Variants in DYNC2H1 observed in about 807,000 individuals in gnomAD.
DYNC2H1 encodes dynein cytoplasmic 2 heavy chain 1, also known as cytoplasmic dynein 2 heavy chain 1.
In DYNC2H1, 410 loss-of-function variants were observed where a neutral mutation model predicts 570.0. The ratio of observed to expected loss-of-function variants is 0.72; its 90% confidence interval spans 0.66 to 0.78. DYNC2H1 has a LOEUF of 0.78. Ranked by LOEUF, DYNC2H1 falls within the 30% of genes least tolerant of loss-of-function variation. The pLI is 0.00. For synonymous variants in DYNC2H1, 1,688 were observed against 1,677.6 expected (o/e 1.01, Z -0.15); for missense variants, 4,865 against 5,046.4 (o/e 0.96, Z 1.09).
chr11:103,438,774 T>C (rs1591758226), intron 85 of DYNC2H1, among the ~76,000 whole-genome samples: 1 of 152,230 alleles, frequency 6.6e-6, no homozygotes, highest in South Asian at 2.1e-4. Flanking sequence ...ACTGGAGATA[T>C]CAGGATTAGT....
rs754983028 is a variant in DYNC2H1 at position 103,116,641 on chromosome 11, A to G, written c.693A>G (p.Val231=). 1.9e-6 allele frequency: 3 copies of G among 1,610,488 alleles called. No individual in the cohort carries two copies. The highest frequency in any genetic ancestry group is 2.5e-6 in the Non-Finnish European group (3 of 1,177,912). ...VDLVETTQDV[V]DDVWRQTEHD... ...TGGTGGAGACTACTCAGGATGTTGT[A>G]GATGATGTGTGGAGACAAACAGAAC... Residue 231 remains valine, a synonymous_variant, in exon 5 of 89, where the codon GTA becomes GTG. Transcript: ENST00000375735.
intron 55 of DYNC2H1, among the ~76,000 whole-genome samples, chr11:103,218,474 TTTAC>T (rs1863466624): frequency 6.6e-6 from 1 of 152,176 alleles, no homozygotes; most frequent in Admixed American, 6.5e-5. Flanking sequence ...AATATAAATA[TTTAC>T]TTAATGAAGA....
At position 103,479,303 on chromosome 11, in the gene DYNC2H1, T is replaced by A. The variant is rs774049942; in HGVS notation, c.*50T>A. 4 of 1,569,700 alleles carry A rather than the reference T, an allele frequency of 2.5e-6. No homozygotes were observed. In the South Asian group the frequency reaches 4.8e-5, roughly 19 times the overall value. ...TTCACAAAAGGGAACATTGATTCTT[T>A]AAGCTTTAAATCAAACATGTGGTCA... is the stretch of plus-strand genomic sequence containing the variant. On this transcript the variant is annotated 3_prime_UTR_variant, in exon 89 of 89. Coordinates refer to ENST00000375735, the MANE Select transcript of DYNC2H1 (RefSeq NM_001377.3).
intron 75 of DYNC2H1, among the ~76,000 whole-genome samples, chr11:103,296,096 G>T (rs560101423): frequency 4.3e-4 from 66 of 152,242 alleles, no homozygotes; most frequent in African/African-American, 1.5e-3. Context: ...AGTGGTATAG[G>T]CAATCCAAGA....
chr11:103,144,942 A>G (rs1419999098), intron 18 of DYNC2H1, among the ~76,000 whole-genome samples: 3 of 151,568 alleles, frequency 2.0e-5, no homozygotes, highest in Non-Finnish European at 4.4e-5. Context: ...GTGTAGTGGC[A>G]TGATATATGC....
At chr11:103,218,271 G>T (rs1863458595) in intron 55 of DYNC2H1, among the ~76,000 whole-genome samples, 1 of 152,132 alleles carries the variant, frequency 6.6e-6, no homozygotes, top group Non-Finnish European at 1.5e-5. Flanking sequence ...ACACTTAAGC[G>T]AAAACAGCCA....
chr11:103,327,307 T>A (rs979865591), intron 82 of DYNC2H1, among the ~76,000 whole-genome samples: 1 of 152,166 alleles, frequency 6.6e-6, no homozygotes, highest in Non-Finnish European at 1.5e-5. Flanking sequence ...TATTTTAATG[T>A]TTAAACTCAA....
Position 103,204,722 on chromosome 11 carries a change from GAAAC to G in DYNC2H1, c.8312-97_8312-94del. 1.2e-6 allele frequency: 1 copy of G among 834,954 alleles called. No homozygotes were observed. The highest frequency in any genetic ancestry group is 1.8e-6 in the Non-Finnish European group (1 of 556,516). The allele number at this position is 834,954 out of a possible 1,614,324, so 51.7% of individuals were successfully genotyped here. ...TTGTTTTATATTGTGCTCGTTTTAA[GAAAC>G]AACTCCTACTATTTCATTTGAGAAA... On this transcript the variant is annotated intron_variant, in intron 51 of 88. Transcript: ENST00000375735. This position sits in a 1 kb window ranked among gnomAD's most constrained non-coding sequence, Gnocchi z 4.1.
intron 83 of DYNC2H1, among the ~76,000 whole-genome samples, chr11:103,360,456 G>T (rs1940584396): frequency 6.6e-6 from 1 of 151,888 alleles, no homozygotes; most frequent in Non-Finnish European, 1.5e-5. Flanking sequence ...TATTCATGAG[G>T]ATTAAATGCA....
In DYNC2H1 at chr11:103,115,180, T is replaced by C; in HGVS notation, c.506T>C (p.Ile169Thr). ...TTTCCCCTCTTGACTTTTATAGGTATCCTTACACCAAGCGATGAGTTCCAG... is the reference window on the plus strand; with the variant it reads ...TTTCCCCTCTTGACTTTTATAGGTACCCTTACACCAAGCGATGAGTTCCAG... ...LKFKEDDTRG[I>T]LTPSDEFQFW... The change falls in exon 4 of 89, where the codon ATC becomes ACC. Residue 169 changes from isoleucine (I) to threonine (T), a missense_variant. Physicochemically the swap from Ile to Thr is moderately conservative, Grantham distance 89. Coordinates refer to ENST00000375735, the MANE Select transcript of DYNC2H1 (RefSeq NM_001377.3). 1 of 1,606,296 alleles carries C rather than the reference T, an allele frequency of 6.2e-7. No individual in the cohort carries two copies.
At chr11:103,269,141 T>C (rs978880578) in intron 70 of DYNC2H1, among the ~76,000 whole-genome samples, 3 of 152,176 alleles carry the variant, frequency 2.0e-5, no homozygotes, top group African/African-American at 7.2e-5. Context: ...GAATAATACT[T>C]TTCTATTGTG....
intron 88 of DYNC2H1, among the ~76,000 whole-genome samples, chr11:103,470,746 C>T (rs1000447291): frequency 2.0e-5 from 3 of 152,184 alleles, no homozygotes; most frequent in African/African-American, 7.2e-5. Flanking sequence ...GACATGAACT[C>T]ATCATTTTTT....
At chr11:103,138,408 A>G (rs1486413223) in intron 17 of DYNC2H1, among the ~76,000 whole-genome samples, 1 of 152,136 alleles carries the variant, frequency 6.6e-6, no homozygotes, top group Non-Finnish European at 1.5e-5. Context: ...TCTCATCAAG[A>G]GTTTTTAGCA....
Position 103,255,573 on chromosome 11 carries a change from C to CT in DYNC2H1, c.10326+48dup, listed in dbSNP as rs530038696. ...TATTTAGGTTACTTTTTTCGTATTA[C>CT]TTTTTTTTTAATGAATACAAATAAC... On this transcript the variant is annotated intron_variant, in intron 67 of 88. Coordinates refer to ENST00000375735, the MANE Select transcript of DYNC2H1 (RefSeq NM_001377.3). The CT allele has an allele frequency of 2.2e-3, 3,191 of 1,432,330 alleles. 23 individuals carry two copies. In the African/African-American group the frequency reaches 0.027, roughly 12 times the overall value. The allele number at this position is 1,432,330 out of a possible 1,614,324, so 88.7% of individuals were successfully genotyped here.
At chr11:103,221,381 C>A (rs1591431973) in intron 57 of DYNC2H1, among the ~76,000 whole-genome samples, 1 of 152,288 alleles carries the variant, frequency 6.6e-6, no homozygotes, top group East Asian at 1.9e-4. Flanking sequence ...CATAGGTTGA[C>A]AGAGCACTTT....
intron 75 of DYNC2H1, among the ~76,000 whole-genome samples, chr11:103,298,624 G>A (rs1355536230): frequency 6.6e-6 from 1 of 152,010 alleles, no homozygotes; most frequent in African/African-American, 2.4e-5. Flanking sequence ...TATTTGGTCA[G>A]GTAGCTTTAT....
chr11:103,116,545 T>C, intron 4 of DYNC2H1, 25 bp from the exon 5 acceptor site: 1 of 1,557,258 alleles, frequency 6.4e-7, no homozygotes, highest in African/African-American at 1.4e-5. Context: ...TAATTATGTT[T>C]AAAAATTAAT....
intron 87 of DYNC2H1, among the ~76,000 whole-genome samples, chr11:103,468,133 C>G (rs1945253919): frequency 6.6e-6 from 1 of 152,098 alleles, no homozygotes; most frequent in Admixed American, 6.6e-5. Flanking sequence ...TTTAATTCTT[C>G]TTTCATATTC....
In DYNC2H1 at chr11:103,321,273, G is replaced by T. The variant is rs141029853; in HGVS notation, c.11934+36G>T. On this transcript the variant is annotated intron_variant, in intron 81 of 88. Coordinates refer to ENST00000375735, the MANE Select transcript of DYNC2H1 (RefSeq NM_001377.3). ...TGAATGATTTTCAATCTATTTCCAG[G>T]TAGATACGTGAATCATTTCTTACAT... is the stretch of plus-strand genomic sequence containing the variant. 2,939 of 1,518,864 alleles carry T rather than the reference G, an allele frequency of 1.9e-3. 44 individuals are homozygous for T. In the African/African-American group the frequency reaches 0.036, roughly 18 times the overall value. The allele number at this position is 1,518,864 out of a possible 1,614,324, so 94.1% of individuals were successfully genotyped here.
Sources: allele counts gnomAD v4.1 joint callset (sites outside exome capture counted in the v4.1 genomes callset), GRCh38; gene constraint gnomAD v4.1.1; non-coding constraint Gnocchi (gnomAD v3.1); transcripts MANE v1.5; gene names NCBI Gene and HGNC (gene_info 2026-07-23, HGNC 2026-07-21).